The following ATP13A4 variants were observed in gnomAD, a reference collection of about 807,000 sequenced individuals.
The protein encoded by ATP13A4 is ATPase 13A4, also known as probable cation-transporting ATPase 13A4.
A neutral mutation model predicts 142.5 loss-of-function variants in ATP13A4; 114 were observed. The ratio of observed to expected loss-of-function variants is 0.80; its 90% CI spans 0.69 to 0.93. The LOEUF is 0.93. Among genes scored for constraint, ATP13A4 ranks in the 40% least tolerant of loss-of-function variants. The pLI is 0.00. For synonymous variants in ATP13A4, 488 were observed against 514.8 expected (o/e 0.95, Z 0.70); for missense variants, 1,392 against 1,454.0 (o/e 0.96, Z 0.69).
intron 8 of ATP13A4, among the ~76,000 whole-genome samples, chr3:193,475,493 A>T (rs1718911809): frequency 6.6e-6 from 1 of 151,922 alleles, no homozygotes; most frequent in Non-Finnish European, 1.5e-5. Flanking sequence ...TATGAATATT[A>T]TATATAATCT....
At chr3:193,432,550 T>C (rs1443515036) in intron 25 of ATP13A4, among the ~76,000 whole-genome samples, 1 of 152,086 alleles carries the variant, frequency 6.6e-6, no homozygotes, top group African/African-American at 2.4e-5. Context: ...AATGGAGTAT[T>C]ATTCAGCACT....
At chr3:193,574,033 A>T (rs1404524987) in intron 2 of ATP13A4, among the ~76,000 whole-genome samples, 2 of 152,214 alleles carry the variant, frequency 1.3e-5, no homozygotes, top group Non-Finnish European at 2.9e-5. Context: ...ACAGACATGT[A>T]TATATGTGCA....
At chr3:193,438,017 A>G (rs1716394997) in intron 23 of ATP13A4, among the ~76,000 whole-genome samples, 1 of 152,034 alleles carries the variant, frequency 6.6e-6, no homozygotes, top group Non-Finnish European at 1.5e-5. Flanking sequence ...TATTTTTAGT[A>G]GAAACGGCGT....
intron 5 of ATP13A4, among the ~76,000 whole-genome samples, chr3:193,492,248 G>C (rs939314145): frequency 6.6e-6 from 1 of 152,092 alleles, no homozygotes; most frequent in African/African-American, 2.4e-5. Flanking sequence ...ATGGGGAAGG[G>C]GGAAGCATGT....
intron 1 of ATP13A4, among the ~76,000 whole-genome samples, chr3:193,549,427 TATATATAGAGAGAG>T: frequency 7.0e-6 from 1 of 141,866 alleles, no homozygotes; most frequent in South Asian, 2.2e-4. Context: ...AATATATATA[TATATATAGAGAGAG>T]AGAGAGAGAG....
Position 193,457,035 on chromosome 3 carries a change from G to C in ATP13A4, c.1880C>G (p.Pro627Arg). The change falls in exon 16 of 30, where the codon CCA becomes CGA. Residue 627 changes from proline (P) to arginine (R), a missense_variant. Transcript: ENST00000342695. ...TTGGCAAAAGCTGGCCACCCTCTCT[G>C]GTGCACCTTTCATGAATGCCAGTCG... ...GDRLAFMKGA[P>R]ERVASFCQPE... The C allele has an allele frequency of 6.2e-7, 1 of 1,614,042 alleles. No homozygotes were observed. The highest frequency in any genetic ancestry group is 8.5e-7 in the Non-Finnish European group (1 of 1,179,988).
In ATP13A4 at chr3:193,476,881, G is replaced by C. The variant is rs1262930834; in HGVS notation, c.809-5888C>G. Among the ~76,000 whole-genome samples the C allele has an allele frequency of 2.0e-5, 3 of 152,090 alleles. No individual in the cohort carries two copies. In the East Asian group the frequency reaches 5.8e-4, roughly 29 times the overall value. ...ATAGTGCCCCAAAACAATTATCATA[G>C]TAATATCAAATATCACTGATCACAG... On this transcript the variant is annotated intron_variant, in intron 8 of 29. Transcript: ENST00000342695.
intron 25 of ATP13A4, among the ~76,000 whole-genome samples, chr3:193,417,394 A>G (rs557180271): frequency 2.0e-5 from 3 of 152,338 alleles, no homozygotes; most frequent in Non-Finnish European, 2.9e-5. Context: ...TTAGTACACA[A>G]TGGAAAAAGA....
At chr3:193,504,467 T>A (rs1291900570) in intron 2 of ATP13A4, among the ~76,000 whole-genome samples, 1 of 152,212 alleles carries the variant, frequency 6.6e-6, no homozygotes, top group African/African-American at 2.4e-5. Flanking sequence ...TACATATGTA[T>A]TATTTCATTT....
In ATP13A4 at chr3:193,566,991, T is replaced by C. The variant is rs537500333; in HGVS notation, n.291+14716A>G. ...CCTATCTTCAACTCTATAAAACAGATACTTTCGTTATTACCACTTTATCCC... is the reference window on the plus strand; with the variant it reads ...CCTATCTTCAACTCTATAAAACAGACACTTTCGTTATTACCACTTTATCCC... On this transcript the variant is annotated intron_variant and non_coding_transcript_variant, in intron 2 of 3. Transcript: ENST00000489140. Among the ~76,000 whole-genome samples the C allele has an allele frequency of 3.3e-5, 5 of 152,370 alleles. No homozygotes were observed. The East Asian group carries it at 9.6e-4, about 29-fold the overall frequency.
rs187855489 is a variant in ATP13A4 at position 193,417,228 on chromosome 3, G to A, written c.2843-2478C>T. Among the ~76,000 whole-genome samples the A allele has an allele frequency of 3.9e-5, 6 of 152,234 alleles. No individual in the cohort carries two copies. The East Asian group carries it at 1.2e-3, about 29-fold the overall frequency. On this transcript the variant is annotated intron_variant, in intron 25 of 29. Coordinates refer to ENST00000342695, the MANE Select transcript of ATP13A4 (RefSeq NM_032279.4). Reference sequence around the variant, plus strand: ...CCTACCCTAAAAGAAATGCTAAAGGGCTCAGATTGAAATGAAAGAATACAA... The same window carrying A: ...CCTACCCTAAAAGAAATGCTAAAGGACTCAGATTGAAATGAAAGAATACAA...
intron 1 of ATP13A4, among the ~76,000 whole-genome samples, chr3:193,526,778 T>C (rs1250961552): frequency 6.6e-6 from 1 of 152,112 alleles, no homozygotes; most frequent in Non-Finnish European, 1.5e-5. Context: ...AGATTATCTC[T>C]GGGTGGGGAG....
At chr3:193,418,242 C>G (rs58739354) in intron 25 of ATP13A4, among the ~76,000 whole-genome samples, 11 of 142,752 alleles carry the variant, frequency 7.7e-5, no homozygotes, top group Non-Finnish European at 1.5e-4. Context: ...GCGTGAACCC[C>G]GAGGGGCCAG....
chr3:193,562,638 G>A (rs1050074173), intron 2 of ATP13A4, among the ~76,000 whole-genome samples: 3 of 152,154 alleles, frequency 2.0e-5, no homozygotes, highest in African/African-American at 4.8e-5. Context: ...TTGGGAGGTC[G>A]AGGTGTGCAG....
intron 1 of ATP13A4, among the ~76,000 whole-genome samples, chr3:193,589,097 G>A (rs566921659): frequency 9.2e-4 from 140 of 152,232 alleles, no homozygotes; most frequent in African/African-American, 3.2e-3. Flanking sequence ...CCGAGATTGT[G>A]CCACTGCGCT....
intron 20 of ATP13A4, 112 bp downstream of exon 20, chr3:193,441,354 A>C: frequency 2.3e-6 from 3 of 1,327,316 alleles, no homozygotes; most frequent in Non-Finnish European, 3.2e-6. Flanking sequence ...GATACAGAAA[A>C]CTCACTGAGT....
intron 2 of ATP13A4, among the ~76,000 whole-genome samples, chr3:193,576,738 G>A (rs924968973): frequency 2.6e-5 from 4 of 152,218 alleles, no homozygotes; most frequent in African/African-American, 9.6e-5. Flanking sequence ...ATACTGGGCA[G>A]CTCATAGAAT....
intron 8 of ATP13A4, among the ~76,000 whole-genome samples, chr3:193,481,329 T>C (rs6772083): frequency 0.021 from 3,175 of 152,316 alleles, 123 homozygotes; most frequent in African/African-American, 0.072. Context: ...GTTACATCAC[T>C]AGAGCATGTT....
intron 10 of ATP13A4, among the ~76,000 whole-genome samples, chr3:193,467,018 A>G (rs549610589): frequency 6.6e-6 from 1 of 152,258 alleles, no homozygotes; most frequent in South Asian, 2.1e-4. Flanking sequence ...ACTTAATTAT[A>G]TATTTTTAAA....
Sources: allele counts gnomAD v4.1 joint callset (sites outside exome capture counted in the v4.1 genomes callset), GRCh38; gene constraint gnomAD v4.1.1; transcripts MANE v1.5; gene names NCBI Gene and HGNC (gene_info 2026-07-23, HGNC 2026-07-21).